Variants in FOCAD observed in about 807,000 individuals in gnomAD.
FOCAD encodes focadhesin.
FOCAD carries 198 observed loss-of-function variants against 225.6 expected under a neutral mutation model. That is an observed-to-expected ratio of 0.88 (90% CI 0.78 to 0.99). The LOEUF is 0.99. Ranked by LOEUF, FOCAD falls within the 50% of genes least tolerant of loss-of-function variation. The pLI, the probability that FOCAD is intolerant of heterozygous loss-of-function variation, is 0.00. For synonymous variants in FOCAD, 897 were observed against 755.0 expected (o/e 1.19, Z -3.08); for missense variants, 2,713 against 2,123.6 (o/e 1.28, Z -5.46).
chr9:20,857,293 A>T (rs940343023), intron 15 of FOCAD, among the ~76,000 whole-genome samples: 1 of 151,568 alleles, frequency 6.6e-6, no homozygotes, highest in African/African-American at 2.4e-5. Flanking sequence ...CATAGTTTTC[A>T]TTGTAGAGAT....
At chr9:20,782,007 G>C in intron 10 of FOCAD, 78 bp downstream of exon 10, 1 of 1,239,776 alleles carries the variant, frequency 8.1e-7, no homozygotes, top group South Asian at 1.3e-5. Context: ...CTTGCCTCCT[G>C]ATGAAGCATC....
chr9:20,917,938 T>C (rs1005071427), intron 24 of FOCAD, among the ~76,000 whole-genome samples: 1 of 152,156 alleles, frequency 6.6e-6, no homozygotes, highest in African/African-American at 2.4e-5. Flanking sequence ...GAAGTGATAA[T>C]CCTCCCCTGA....
chr9:20,810,723 C>T (rs1465452167), intron 11 of FOCAD, among the ~76,000 whole-genome samples: 1 of 151,978 alleles, frequency 6.6e-6, no homozygotes, highest in South Asian at 2.1e-4. Flanking sequence ...AGTTTTCTGA[C>T]TCTGAGAGAT....
At chr9:20,994,919 C>G (rs1274225803) in intron 43 of FOCAD, among the ~76,000 whole-genome samples, 1 of 151,968 alleles carries the variant, frequency 6.6e-6, no homozygotes, top group East Asian at 1.9e-4. Context: ...ACCTACATTC[C>G]TTCATATTAT....
intron 4 of FOCAD, among the ~76,000 whole-genome samples, chr9:20,721,461 G>A (rs1825759799): frequency 6.6e-6 from 1 of 152,072 alleles, no homozygotes; most frequent in East Asian, 1.9e-4. Context: ...TAGCACTTTG[G>A]GAGGCTGAGG....
At chr9:20,865,870 A>T in intron 16 of FOCAD, 56 bp from the exon 17 acceptor site, 11 of 1,262,062 alleles carry the variant, frequency 8.7e-6, no homozygotes, top group Non-Finnish European at 1.1e-5. Context: ...TGGATTATTT[A>T]GTCTCAGTTT....
intron 5 of FOCAD, among the ~76,000 whole-genome samples, chr9:20,756,445 C>T (rs1465705043): frequency 5.3e-5 from 8 of 152,244 alleles, no homozygotes; most frequent in Middle Eastern, 3.4e-3. Flanking sequence ...CCCCAACACC[C>T]GTGCAGTAGT....
chr9:20,950,979 TACC>T lies in FOCAD; in HGVS notation c.3949-16_3949-14del. 1 of 1,603,458 alleles carries T rather than the reference TACC, an allele frequency of 6.2e-7. No individual in the cohort carries two copies. Among genetic ancestry groups the T allele is most frequent in the Non-Finnish European group, 8.5e-7 (1 of 1,170,458 alleles). On this transcript the variant is annotated splice_polypyrimidine_tract_variant and intron_variant, in intron 33 of 43. Transcript: ENST00000338382. ...GGATCTTATCCCATCATTGAACTGT[TACC>T]TTTTTATTTGTAGGTCATTAGTGTC...
At position 20,746,274 on chromosome 9, in the gene FOCAD, A is replaced by G. The variant is rs148989153; in HGVS notation, c.392+5934A>G. Reference sequence around the variant, plus strand: ...GCATGAAGAGTGTTTCAGAGGAAGGAAAAGCAAGTGCCTAGAAGCTTGGCA... The same window carrying G: ...GCATGAAGAGTGTTTCAGAGGAAGGGAAAGCAAGTGCCTAGAAGCTTGGCA... On this transcript the variant is annotated intron_variant, in intron 5 of 43. Transcript: ENST00000338382. Among the ~76,000 whole-genome samples the G allele has an allele frequency of 1.8e-3, 281 of 152,278 alleles. 3 individuals carry two copies. The East Asian group carries it at 0.03, about 16-fold the overall frequency.
At chr9:20,712,659 C>G (rs1049796074) in intron 1 of FOCAD, among the ~76,000 whole-genome samples, 5 of 146,392 alleles carry the variant, frequency 3.4e-5, no homozygotes, top group Admixed American at 1.4e-4. Flanking sequence ...GACTCTGTCT[C>G]ACAAAAAAGA....
chr9:20,676,578 T>C (rs1822244490), intron 2 of FOCAD, among the ~76,000 whole-genome samples: 1 of 152,220 alleles, frequency 6.6e-6, no homozygotes, highest in African/African-American at 2.4e-5. Context: ...ACCTGCTTAA[T>C]ATAGTTCCTG....
At chr9:20,932,412 C>T (rs1009010700) in intron 27 of FOCAD, among the ~76,000 whole-genome samples, 1 of 152,080 alleles carries the variant, frequency 6.6e-6, no homozygotes, top group African/African-American at 2.4e-5. Context: ...GGAGGGACAA[C>T]CATAGAACCT....
intron 15 of FOCAD, among the ~76,000 whole-genome samples, chr9:20,838,484 C>T (rs1001726417): frequency 2.0e-5 from 3 of 152,018 alleles, no homozygotes; most frequent in South Asian, 2.1e-4. Context: ...AAACAATTTA[C>T]GAGGTCATAT....
chr9:20,676,987 T>C (rs1822254530), intron 2 of FOCAD, among the ~76,000 whole-genome samples: 2 of 152,210 alleles, frequency 1.3e-5, no homozygotes, highest in Admixed American at 1.3e-4. Flanking sequence ...GATTTCAAAG[T>C]ACATGACAAT....
At chr9:20,732,430 G>T (rs1452228970) in intron 4 of FOCAD, among the ~76,000 whole-genome samples, 1 of 152,182 alleles carries the variant, frequency 6.6e-6, no homozygotes, top group East Asian at 1.9e-4. Context: ...TCCTGCTGTG[G>T]GAAGGAGATT....
intron 2 of FOCAD, among the ~76,000 whole-genome samples, chr9:20,659,876 A>G (rs1439445432): frequency 1.3e-5 from 2 of 152,232 alleles, no homozygotes; most frequent in South Asian, 2.1e-4. Flanking sequence ...GGCAGTGACC[A>G]TCGGAGTGGT....
chr9:20,722,163 C>G (rs1463230367), intron 4 of FOCAD, among the ~76,000 whole-genome samples: 1 of 151,224 alleles, frequency 6.6e-6, no homozygotes, highest in Admixed American at 6.6e-5. Context: ...CCGCCTCAGC[C>G]TCCTAAGTAG....
intron 2 of FOCAD, among the ~76,000 whole-genome samples, chr9:20,666,245 G>T (rs1042862187): frequency 6.6e-6 from 1 of 151,962 alleles, no homozygotes; most frequent in African/African-American, 2.4e-5. Context: ...TGATTATTTG[G>T]TGAAGACCAT....
In FOCAD at chr9:20,721,490, T is replaced by A. The variant is rs181227906; in HGVS notation, c.287+956T>A. Among the ~76,000 whole-genome samples, 657 of 152,128 alleles carry A rather than the reference T, an allele frequency of 4.3e-3. 4 individuals carry two copies. Among genetic ancestry groups the A allele is most frequent in the African/African-American group, 0.015 (607 of 41,508 alleles). On this transcript the variant is annotated intron_variant, in intron 4 of 43. Transcript: ENST00000338382. ...GCTGAGGCGGGCGGATCACCTGACG[T>A]CAGGAGTTCGAGACCAGCCTGGCCA... is the stretch of plus-strand genomic sequence containing the variant.
Sources: allele counts gnomAD v4.1 joint callset (sites outside exome capture counted in the v4.1 genomes callset), GRCh38; gene constraint gnomAD v4.1.1; transcripts MANE v1.5; gene names NCBI Gene and HGNC (gene_info 2026-07-23, HGNC 2026-07-21).